The following LRRC1 variants were observed in gnomAD, a reference collection of about 807,000 sequenced individuals.
LRRC1 encodes the protein leucine rich repeat containing 1.
A neutral mutation model predicts 69.9 loss-of-function variants in LRRC1; 28 were observed. The ratio of observed to expected loss-of-function variants is 0.40; its 90% CI spans 0.30 to 0.55. LRRC1 has a LOEUF of 0.55. Ranked by LOEUF, LRRC1 falls within the 20% of genes least tolerant of loss-of-function variation. The pLI, the probability that LRRC1 is intolerant of heterozygous loss-of-function variation, is 0.47. For synonymous variants in LRRC1, 236 were observed against 240.2 expected, an observed-to-expected ratio of 0.98 and a Z score of 0.16; for missense variants, 498 against 609.0, an observed-to-expected ratio of 0.82 and a Z score of 1.92.
At chr6:53,915,762 G>A (rs1426658894) in intron 11 of LRRC1, among the ~76,000 whole-genome samples, 1 of 152,178 alleles carries the variant, frequency 6.6e-6, no homozygotes, top group African/African-American at 2.4e-5. Flanking sequence ...TCAGTTAAGT[G>A]TGTCATTTAG....
chr6:53,891,542 G>C (rs1767681618), intron 4 of LRRC1, among the ~76,000 whole-genome samples: 1 of 151,384 alleles, frequency 6.6e-6, no homozygotes, highest in Middle Eastern at 3.2e-3. Flanking sequence ...AAGAGGGAGA[G>C]AGACTATATA....
intron 2 of LRRC1, among the ~76,000 whole-genome samples, chr6:53,871,698 G>A (rs1766889219): frequency 6.6e-6 from 1 of 151,982 alleles, no homozygotes; most frequent in Non-Finnish European, 1.5e-5. Flanking sequence ...ACGGACTTTT[G>A]CTCTTGTTGC....
chr6:53,884,077 G>C, intron 4 of LRRC1: 1 of 708,670 alleles, frequency 1.4e-6, no homozygotes, highest in Non-Finnish European at 2.6e-6. Context: ...CTCTCAGGAG[G>C]AGAAGAAGAC....
Position 53,807,418 on chromosome 6 carries a change from T to G in LRRC1, c.159+12003T>G, listed in dbSNP as rs140613908. Among the ~76,000 whole-genome samples, 1,011 of 152,282 alleles carry G rather than the reference T, an allele frequency of 6.6e-3. 11 individuals carry two copies. Among genetic ancestry groups the G allele is most frequent in the African/African-American group, 0.023 (976 of 41,550 alleles). ...AGGATGGAAAACAGATAAGAAAATATGAATTTCAGGTAGTTACAAAAGCTA... is the reference window on the plus strand; with the variant it reads ...AGGATGGAAAACAGATAAGAAAATAGGAATTTCAGGTAGTTACAAAAGCTA... On this transcript the variant is annotated intron_variant, in intron 1 of 13. Coordinates refer to ENST00000370888, the MANE Select transcript of LRRC1 (RefSeq NM_018214.5).
At chr6:53,895,210 G>A (rs377320324) in intron 4 of LRRC1, among the ~76,000 whole-genome samples, 4 of 152,166 alleles carry the variant, frequency 2.6e-5, no homozygotes, top group Non-Finnish European at 4.4e-5. Flanking sequence ...GAGCCACCGC[G>A]CCCGGCTGGG....
chr6:53,902,370 G>A (rs1307137395), intron 8 of LRRC1, among the ~76,000 whole-genome samples: 1 of 151,946 alleles, frequency 6.6e-6, no homozygotes, highest in African/African-American at 2.4e-5. Context: ...AAATTTCTTG[G>A]CTTTGATGCA....
At chr6:53,874,467 A>G (rs1234739695) in intron 2 of LRRC1, among the ~76,000 whole-genome samples, 1 of 152,184 alleles carries the variant, frequency 6.6e-6, no homozygotes, top group Non-Finnish European at 1.5e-5. Flanking sequence ...ATTTATATAA[A>G]CTAGGACCAT....
chr6:53,842,127 C>A lies in LRRC1; in HGVS notation c.177C>A (p.Val59=). 1 of 1,611,890 alleles carries A rather than the reference C, an allele frequency of 6.2e-7. No homozygotes were observed. The highest frequency in any genetic ancestry group is 1.1e-5 in the South Asian group (1 of 90,686). ...RELPEQFFQL[V]KLRKLGLSDN... is the part of the protein sequence containing the mutation. ...TCTTTCAGCAATTTTTCCAGCTAGT[C>A]AAATTACGAAAGCTTGGACTTAGTG... is the stretch of plus-strand genomic sequence containing the variant. Residue 59 remains valine, a synonymous_variant, in exon 2 of 14, where the codon GTC becomes GTA. Transcript: ENST00000370888.
In LRRC1 at chr6:53,922,639, C is replaced by T. The variant is rs1045438178; in HGVS notation, c.1421C>T (p.Thr474Ile). Reference sequence around the variant, plus strand: ...CACTCCACTGTTTGTTTTTAGAGAACACTTCTAAGGCGAGCCACTCCACAC... The same window carrying T: ...CACTCCACTGTTTGTTTTTAGAGAATACTTCTAAGGCGAGCCACTCCACAC... ...EKDEEDNETR[T>I]LLRRATPHPG... Residue 474 changes from threonine to isoleucine, a missense_variant, in exon 14 of 14, where the codon ACA (threonine) becomes ATA (isoleucine). Physicochemically the swap from Thr to Ile is moderately conservative, Grantham distance 89 (BLOSUM62 -1). Around this residue, in one of 3 missense-constraint regions of LRRC1, gnomAD observed 162 missense variants for 162.9 expected, o/e 0.99. Coordinates refer to ENST00000370888, the MANE Select transcript of LRRC1 (RefSeq NM_018214.5). 3 of 1,601,622 alleles carry T rather than the reference C, an allele frequency of 1.9e-6. No homozygotes were observed. Among genetic ancestry groups the T allele is most frequent in the Non-Finnish European group, 2.6e-6 (3 of 1,172,948 alleles).
chr6:53,871,931 G>C (rs1344295855), intron 2 of LRRC1, among the ~76,000 whole-genome samples: 2 of 152,170 alleles, frequency 1.3e-5, no homozygotes, highest in Non-Finnish European at 2.9e-5. Flanking sequence ...GCTTCCCAAA[G>C]TGCTGGGATT....
intron 2 of LRRC1, among the ~76,000 whole-genome samples, chr6:53,851,472 TTCC>T (rs35717115): frequency 0.37 from 56,086 of 151,398 alleles, 10,831 homozygotes; most frequent in East Asian, 0.64. Flanking sequence ...AAGGGGCAAA[TTCC>T]TCCTCCTTCC....
In LRRC1 at chr6:53,923,041, C is replaced by G. The variant is rs1768787071; in HGVS notation, c.*248C>G. ...AGTTGTTTGTAATAAGTAGAATACA[C>G]TACTGTAAACATACGACCTTTGTTT... On this transcript the variant is annotated 3_prime_UTR_variant, in exon 14 of 14. Coordinates refer to ENST00000370888, the MANE Select transcript of LRRC1 (RefSeq NM_018214.5). The G allele has an allele frequency of 2.8e-6, 1 of 358,660 alleles. No individual in the cohort carries two copies. The highest frequency in any genetic ancestry group is 1.0e-4 in the South Asian group (1 of 9,982). 22.2% of individuals were successfully genotyped at this position (358,660 alleles called of 1,614,324 possible).
intron 2 of LRRC1, among the ~76,000 whole-genome samples, chr6:53,859,537 A>G (rs6917132): frequency 6.6e-6 from 1 of 152,176 alleles, no homozygotes; most frequent in Non-Finnish European, 1.5e-5. Context: ...GACCGAAAGG[A>G]TGTCTTTACA....
At chr6:53,921,787 A>G in intron 13 of LRRC1, among the ~76,000 whole-genome samples, 1 of 152,184 alleles carries the variant, frequency 6.6e-6, no homozygotes, top group East Asian at 1.9e-4. Flanking sequence ...CTGTCACCAA[A>G]TGGGATTTTA....
chr6:53,811,452 C>T (rs1046069602), intron 1 of LRRC1, among the ~76,000 whole-genome samples: 2 of 152,190 alleles, frequency 1.3e-5, no homozygotes, highest in African/African-American at 2.4e-5. Context: ...TTTCCTCTCC[C>T]ACTTGTCTAT....
At chr6:53,805,737 T>C (rs186758630) in intron 1 of LRRC1, among the ~76,000 whole-genome samples, 2 of 152,364 alleles carry the variant, frequency 1.3e-5, no homozygotes, top group East Asian at 1.9e-4. Context: ...CACTACAGTC[T>C]GATCATTGTT....
At chr6:53,876,836 C>G (rs1010113006) in intron 2 of LRRC1, among the ~76,000 whole-genome samples, 1 of 152,172 alleles carries the variant, frequency 6.6e-6, no homozygotes, top group South Asian at 2.1e-4. Context: ...CTGGCCTTGA[C>G]TGTCTGGTGG....
intron 2 of LRRC1, 140 bp from the exon 3 acceptor site, chr6:53,878,853 A>G (rs1767165063): frequency 1.9e-6 from 1 of 531,048 alleles, no homozygotes; most frequent in South Asian, 2.6e-5. Context: ...TAAATATATT[A>G]AAATACTTTA....
At chr6:53,813,014 A>G (rs1270338970) in intron 1 of LRRC1, among the ~76,000 whole-genome samples, 3 of 151,972 alleles carry the variant, frequency 2.0e-5, no homozygotes, top group Non-Finnish European at 4.4e-5. Flanking sequence ...TACCTATGGA[A>G]TAGGGAGTGG....
Sources: allele counts gnomAD v4.1 joint callset (sites outside exome capture counted in the v4.1 genomes callset), GRCh38; gene constraint gnomAD v4.1.1; regional missense constraint gnomAD v4.1.1; transcripts MANE v1.5; gene names NCBI Gene and HGNC (gene_info 2026-07-23, HGNC 2026-07-21).